The following MYO1E variants were observed in gnomAD, a reference collection of about 807,000 sequenced individuals.
MYO1E encodes unconventional myosin-Ie.
MYO1E carries 68 observed loss-of-function variants against 151.1 expected under a neutral mutation model. That is an observed-to-expected ratio of 0.45 (90% CI 0.37 to 0.55). MYO1E has a LOEUF of 0.55. MYO1E is among the 20% of genes least tolerant of loss of function. The pLI, the probability that MYO1E is intolerant of heterozygous loss-of-function variation, is 0.00. For synonymous variants in MYO1E, 601 were observed against 501.7 expected (o/e 1.20, Z -2.64); for missense variants, 1,363 against 1,389.3 (o/e 0.98, Z 0.30).
chr15:59,247,440 C>T (rs12439560), intron 4 of MYO1E, among the ~76,000 whole-genome samples: 22,762 of 152,220 alleles, frequency 0.15, 2,613 homozygotes, highest in East Asian at 0.53. Context: ...CAAATAGAGG[C>T]TCTGCCATCT....
In MYO1E at chr15:59,137,444, C is replaced by A; in HGVS notation, c.3263G>T (p.Trp1088Leu). 1 of 1,614,130 alleles carries A rather than the reference C, an allele frequency of 6.2e-7. No homozygotes were observed. The highest frequency in any genetic ancestry group is 8.5e-7 in the Non-Finnish European group (1 of 1,179,994). ...CTTGCCTCGTAGTCGACCCGTCCAC[C>A]AGCCAGAAGGATCTGCAGGGAGAGA... ...IDIIKEDPSG[W>L]WTGRLRGKQG... is the part of the protein sequence containing the mutation. The change falls in exon 28 of 28, where the codon TGG (tryptophan) becomes TTG (leucine). Residue 1088 changes from tryptophan (W) to leucine (L), a missense_variant. Trp to Leu is a moderately conservative substitution (Grantham distance 61). Coordinates refer to ENST00000288235, the MANE Select transcript of MYO1E (RefSeq NM_004998.4).
At chr15:59,249,561 T>C (rs749218356) in intron 4 of MYO1E, among the ~76,000 whole-genome samples, 1 of 152,188 alleles carries the variant, frequency 6.6e-6, no homozygotes, top group African/African-American at 2.4e-5. Context: ...GCCGCCTTTA[T>C]GGGCTGCATT....
intron 12 of MYO1E, among the ~76,000 whole-genome samples, chr15:59,211,072 C>T (rs907153042): frequency 9.9e-5 from 15 of 151,758 alleles, no homozygotes; most frequent in Non-Finnish European, 1.5e-4. Flanking sequence ...TGGTGGGGCG[C>T]GCCTGTAATC....
intron 2 of MYO1E, among the ~76,000 whole-genome samples, chr15:59,271,599 T>C (rs780271331): frequency 1.3e-5 from 2 of 152,236 alleles, no homozygotes; most frequent in Non-Finnish European, 2.9e-5. Context: ...ATTTCCATTC[T>C]GCATTTTTTA....
intron 14 of MYO1E, among the ~76,000 whole-genome samples, chr15:59,206,371 C>A (rs1411415751): frequency 6.6e-6 from 1 of 152,188 alleles, no homozygotes; most frequent in African/African-American, 2.4e-5. Context: ...CCTGCTGAAG[C>A]CCCAGCCGAC....
intron 1 of MYO1E, among the ~76,000 whole-genome samples, chr15:59,281,281 T>C (rs544478149): frequency 3.4e-5 from 5 of 145,370 alleles, no homozygotes; most frequent in African/African-American, 1.3e-4. Context: ...CTTTTCTTTC[T>C]TTTTTTTTTT....
At position 59,231,811 on chromosome 15, in the gene MYO1E, G is replaced by T. The variant is rs371601666; in HGVS notation, c.421-20C>A. 3.1e-6 allele frequency: 5 copies of T among 1,613,212 alleles called. No homozygotes were observed. Among genetic ancestry groups the T allele is most frequent in the Non-Finnish European group, 4.2e-6 (5 of 1,179,194 alleles). ...CACGTGCTGTCCCAGCAAATAGACCGGAGGTTAGGAAGGTGTGAACACCTA... is the reference window on the plus strand; with the variant it reads ...CACGTGCTGTCCCAGCAAATAGACCTGAGGTTAGGAAGGTGTGAACACCTA... On this transcript the variant is annotated intron_variant, in intron 5 of 27. Coordinates refer to ENST00000288235, the MANE Select transcript of MYO1E (RefSeq NM_004998.4).
At chr15:59,185,823 A>G (rs1293505086) in intron 18 of MYO1E, among the ~76,000 whole-genome samples, 1 of 152,228 alleles carries the variant, frequency 6.6e-6, no homozygotes, top group African/African-American at 2.4e-5. Flanking sequence ...TTTGGATGTC[A>G]CAACTCAGAG....
chr15:59,268,480 T>C (rs984471634), intron 2 of MYO1E, among the ~76,000 whole-genome samples: 2 of 152,146 alleles, frequency 1.3e-5, no homozygotes, highest in Non-Finnish European at 2.9e-5. Flanking sequence ...AATTCTGTTG[T>C]CTGAATTTAA....
chr15:59,306,641 T>C (rs1250365884), intron 1 of MYO1E, among the ~76,000 whole-genome samples: 2 of 152,256 alleles, frequency 1.3e-5, no homozygotes, highest in African/African-American at 4.8e-5. Flanking sequence ...ATAAAATGCC[T>C]TTATTTGTGA....
intron 15 of MYO1E, 88 bp from the exon 16 acceptor site, chr15:59,202,495 C>T (rs930972192): frequency 5.9e-6 from 7 of 1,185,096 alleles, no homozygotes; most frequent in Admixed American, 1.7e-5. Context: ...GGTGAAGGGC[C>T]GTCCCCAGGC....
At chr15:59,235,946 G>C (rs1428801688) in intron 5 of MYO1E, among the ~76,000 whole-genome samples, 1 of 152,174 alleles carries the variant, frequency 6.6e-6, no homozygotes, top group East Asian at 1.9e-4. Context: ...TTCATGTTTT[G>C]TGAGTAATTT....
intron 18 of MYO1E, among the ~76,000 whole-genome samples, chr15:59,182,217 T>A (rs1222854890): frequency 2.6e-5 from 4 of 152,194 alleles, no homozygotes; most frequent in Admixed American, 1.3e-4. Flanking sequence ...TCTTTTTTTT[T>A]ATTTTTATTT....
intron 25 of MYO1E, among the ~76,000 whole-genome samples, chr15:59,157,889 A>T (rs1468222384): frequency 5.3e-5 from 8 of 152,276 alleles, no homozygotes; most frequent in African/African-American, 1.9e-4. Flanking sequence ...GTGCTGCTGT[A>T]GTGGTATTTG....
chr15:59,226,809 A>G (rs1209050615), intron 7 of MYO1E, among the ~76,000 whole-genome samples: 1 of 152,242 alleles, frequency 6.6e-6, no homozygotes, highest in Non-Finnish European at 1.5e-5. Flanking sequence ...ACTGTCTCAA[A>G]TAAAAAAATA....
intron 4 of MYO1E, among the ~76,000 whole-genome samples, chr15:59,246,125 T>A (rs987333426): frequency 6.6e-6 from 1 of 152,184 alleles, no homozygotes; most frequent in Non-Finnish European, 1.5e-5. Flanking sequence ...TTTAATCTTT[T>A]TTTATTTTTT....
intron 26 of MYO1E, among the ~76,000 whole-genome samples, chr15:59,145,875 A>G (rs2079438692): frequency 6.6e-6 from 1 of 152,222 alleles, no homozygotes; most frequent in African/African-American, 2.4e-5. Context: ...TAAATGTTAC[A>G]GTTCAGGCCT....
intron 1 of MYO1E, among the ~76,000 whole-genome samples, chr15:59,333,504 A>G (rs972842134): frequency 3.3e-5 from 5 of 152,314 alleles, no homozygotes; most frequent in Admixed American, 3.3e-4. Flanking sequence ...CGGCCTCCCA[A>G]ACTGCTAGGC....
At chr15:59,366,304 C>CTT (rs2080913090) in intron 1 of MYO1E, among the ~76,000 whole-genome samples, 3 of 148,282 alleles carry the variant, frequency 2.0e-5, no homozygotes, top group African/African-American at 7.4e-5. Flanking sequence ...TTTTCTCTCT[C>CTT]TCTCTTTCTC....
Sources: allele counts gnomAD v4.1 joint callset (sites outside exome capture counted in the v4.1 genomes callset), GRCh38; gene constraint gnomAD v4.1.1; transcripts MANE v1.5; gene names NCBI Gene and HGNC (gene_info 2026-07-23, HGNC 2026-07-21).